Variants in RGS20 observed in about 807,000 individuals in gnomAD.
RGS20 encodes regulator of G protein signaling 20.
In RGS20, 30 loss-of-function variants were observed where a neutral mutation model predicts 33.6. The observed-to-expected ratio is 0.89, with a 90% CI of 0.67 to 1.21. RGS20 has a LOEUF of 1.21. Ranked by LOEUF, RGS20 falls within the 50% of genes most tolerant of loss-of-function variation. RGS20 has a pLI of 0.00. For missense variants in RGS20, 472 were observed against 502.4 expected (o/e 0.94, Z 0.58); for synonymous variants, 208 against 197.9 (o/e 1.05, Z -0.43).
intron 2 of RGS20, among the ~76,000 whole-genome samples, chr8:53,904,898 G>T (rs1820893828): frequency 6.6e-6 from 1 of 152,060 alleles, no homozygotes; most frequent in East Asian, 1.9e-4. Flanking sequence ...TTCCCAAAAG[G>T]CCATTGTAAA....
At chr8:53,936,907 A>G (rs948441499) in intron 2 of RGS20, among the ~76,000 whole-genome samples, 1 of 152,188 alleles carries the variant, frequency 6.6e-6, no homozygotes. Flanking sequence ...ATATAGACCA[A>G]TGGAACAGAA....
intron 2 of RGS20, among the ~76,000 whole-genome samples, chr8:53,889,373 C>G (rs1194116888): frequency 6.9e-6 from 1 of 144,060 alleles, no homozygotes; most frequent in African/African-American, 2.5e-5. Flanking sequence ...AAGCCTTTGG[C>G]CCATTTTTCT....
chr8:53,882,254 C>A (rs1812408183), intron 2 of RGS20, among the ~76,000 whole-genome samples: 1 of 152,186 alleles, frequency 6.6e-6, no homozygotes, highest in Admixed American at 6.5e-5. Flanking sequence ...GCGACCTACC[C>A]CATCTCCCTC....
intron 2 of RGS20, among the ~76,000 whole-genome samples, chr8:53,924,569 C>T (rs928180571): frequency 5.3e-5 from 8 of 152,180 alleles, no homozygotes; most frequent in Non-Finnish European, 1.2e-4. Flanking sequence ...AGCAATCCTC[C>T]TACCTCTGCC....
At chr8:53,867,617 T>A (rs953273442) in intron 1 of RGS20, among the ~76,000 whole-genome samples, 2 of 152,194 alleles carry the variant, frequency 1.3e-5, no homozygotes, top group South Asian at 4.1e-4. Flanking sequence ...TCTAAAACAC[T>A]GTTTCCAAAT....
chr8:53,861,728 G>A (rs1026988444), intron 1 of RGS20, among the ~76,000 whole-genome samples: 24 of 152,238 alleles, frequency 1.6e-4, no homozygotes, highest in African/African-American at 5.8e-4. Flanking sequence ...TTTACAGACA[G>A]TTTTGTTGAA....
At chr8:53,863,373 G>C (rs1237485872) in intron 1 of RGS20, among the ~76,000 whole-genome samples, 1 of 152,122 alleles carries the variant, frequency 6.6e-6, no homozygotes, top group African/African-American at 2.4e-5. Context: ...CTCACTCCCA[G>C]ATGCAATAAG....
At chr8:53,933,199 C>G (rs1186363284) in intron 2 of RGS20, among the ~76,000 whole-genome samples, 1 of 152,154 alleles carries the variant, frequency 6.6e-6, no homozygotes, top group East Asian at 1.9e-4. Context: ...CAGAATGTCT[C>G]TTCTACTCCA....
intron 4 of RGS20, among the ~76,000 whole-genome samples, chr8:53,949,712 G>C (rs1440368294): frequency 6.6e-6 from 1 of 151,748 alleles, no homozygotes; most frequent in Non-Finnish European, 1.5e-5. Context: ...GCAAGACTCT[G>C]CCTCAATCAA....
chr8:53,940,074 A>G (rs1814245819), intron 3 of RGS20, among the ~76,000 whole-genome samples: 1 of 152,220 alleles, frequency 6.6e-6, no homozygotes, highest in African/African-American at 2.4e-5. Context: ...CTTAGGATCT[A>G]AGATAGGTCT....
chr8:53,947,845 G>GCTGTAGT (rs1814560583), intron 4 of RGS20, among the ~76,000 whole-genome samples: 1 of 136,010 alleles, frequency 7.4e-6, no homozygotes, highest in South Asian at 2.3e-4. Flanking sequence ...CTATATATAG[G>GCTGTAGT]ATATAGTATA....
intron 4 of RGS20, 60 bp downstream of exon 3, chr8:53,946,808 T>C: frequency 7.1e-7 from 1 of 1,403,864 alleles, no homozygotes; most frequent in Non-Finnish European, 1.0e-6. Flanking sequence ...CTCTTTCTTT[T>C]CTTTGCCTTG....
intron 1 of RGS20, among the ~76,000 whole-genome samples, chr8:53,874,868 G>T (rs150298422): frequency 6.6e-6 from 1 of 152,274 alleles, no homozygotes; most frequent in African/African-American, 2.4e-5. Flanking sequence ...TCCAAGTAAG[G>T]TCATATTCCA....
intron 2 of RGS20, among the ~76,000 whole-genome samples, chr8:53,936,454 A>C (rs1267122025): frequency 6.6e-6 from 1 of 152,218 alleles, no homozygotes; most frequent in African/African-American, 2.4e-5. Context: ...ATACACCAAG[A>C]ACAGACAAAA....
intron 2 of RGS20, among the ~76,000 whole-genome samples, chr8:53,886,839 T>G (rs1397379670): frequency 6.6e-6 from 1 of 152,220 alleles, no homozygotes; most frequent in African/African-American, 2.4e-5. Flanking sequence ...GAATCAACAC[T>G]TATACAGCTG....
intron 2 of RGS20, among the ~76,000 whole-genome samples, chr8:53,918,495 TC>T (rs910208281): frequency 6.6e-6 from 1 of 151,998 alleles, no homozygotes; most frequent in African/African-American, 2.4e-5. Flanking sequence ...TTCAAGCAGT[TC>T]TCTTGCCTCA....
At chr8:53,911,226 G>A (rs1036614425) in intron 2 of RGS20, among the ~76,000 whole-genome samples, 1 of 152,208 alleles carries the variant, frequency 6.6e-6, no homozygotes. Flanking sequence ...TTTAGTGTGA[G>A]AGGCCAGGAG....
intron 3 of RGS20, among the ~76,000 whole-genome samples, chr8:53,940,954 A>C (rs536975774): frequency 1.3e-5 from 2 of 152,206 alleles, no homozygotes; most frequent in African/African-American, 4.8e-5. Context: ...CTCTGCCAGT[A>C]GGTCTCAGTG....
intron 3 of RGS20, among the ~76,000 whole-genome samples, chr8:53,941,014 TG>T (rs1424169258): frequency 2.6e-5 from 4 of 152,106 alleles, no homozygotes; most frequent in African/African-American, 7.2e-5. Context: ...CAGGTGCAGG[TG>T]AGACTCCAGC....
Sources: allele counts gnomAD v4.1 joint callset (sites outside exome capture counted in the v4.1 genomes callset), GRCh38; gene constraint gnomAD v4.1.1; transcripts MANE v1.5; gene names NCBI Gene and HGNC (gene_info 2026-07-23, HGNC 2026-07-21).